DKK3: variants seen among roughly 807,000 people sequenced by gnomAD.
DKK3 encodes dickkopf Wnt signaling pathway inhibitor 3.
Under a neutral mutation model 33.2 loss-of-function variants are expected in DKK3, and 22 were observed. That is an observed-to-expected ratio of 0.66 (90% CI 0.47 to 0.95). DKK3 has a LOEUF of 0.95. Ranked by LOEUF, DKK3 falls within the 40% of genes least tolerant of loss-of-function variation. DKK3 has a pLI of 0.00. For synonymous variants in DKK3, 194 were observed against 188.8 expected (o/e 1.03, Z -0.23); for missense variants, 398 against 458.4 (o/e 0.87, Z 1.20).
intron 3 of DKK3, among the ~76,000 whole-genome samples, chr11:11,993,690 A>G (rs1848232416): frequency 6.6e-6 from 1 of 152,242 alleles, no homozygotes; most frequent in Non-Finnish European, 1.5e-5. Flanking sequence ...AGTGGGCCTT[A>G]TATTTAGACA....
At chr11:11,976,867 C>T (rs1847845110) in intron 3 of DKK3, among the ~76,000 whole-genome samples, 1 of 152,198 alleles carries the variant, frequency 6.6e-6, no homozygotes, top group African/African-American at 2.4e-5. Context: ...GTCGCAGGAG[C>T]CTGTAAGATG....
chr11:11,975,391 C>T (rs571290182), intron 3 of DKK3, among the ~76,000 whole-genome samples: 4 of 152,320 alleles, frequency 2.6e-5, no homozygotes, highest in Admixed American at 6.5e-5. Flanking sequence ...ACTCCAGCCC[C>T]GTACACATTC....
At position 11,964,358 on chromosome 11, in the gene DKK3, GGAA is replaced by G. The variant is rs1847527741; in HGVS notation, c.*103_*105del. The G allele has an allele frequency of 5.0e-6, 7 of 1,407,864 alleles. No individual in the cohort carries two copies. The South Asian group carries it at 6.8e-5, about 14-fold the overall frequency. 87.2% of individuals were successfully genotyped at this position (1,407,864 alleles called of 1,614,324 possible). Reference sequence around the variant, plus strand: ...GTCAAGCCAGAGGGGAAACTTACTGGGAAGAAGATGTAGGAAGAAGCCTGGTCA... The same window carrying G: ...GTCAAGCCAGAGGGGAAACTTACTGGGAAGATGTAGGAAGAAGCCTGGTCA... On this transcript the variant is annotated 3_prime_UTR_variant, in exon 7 of 7. Transcript: ENST00000683431.
chr11:11,965,412 T>C (rs1847564878), intron 6 of DKK3, among the ~76,000 whole-genome samples: 1 of 152,190 alleles, frequency 6.6e-6, no homozygotes, highest in Non-Finnish European at 1.5e-5. Context: ...CCTCAGACAG[T>C]GTGGGCTGCA....
chr11:12,009,703 G>C, upstream of DKK3: 1 of 985,686 alleles, frequency 1.0e-6, no homozygotes, highest in Non-Finnish European at 1.2e-6. Flanking sequence ...CCCCAGCCTG[G>C]CATTCAAGCC....
Position 11,968,399 on chromosome 11 carries a change from C to T in DKK3, c.524G>A (p.Arg175Lys), listed in dbSNP as rs752471344. 9 of 1,612,284 alleles carry T rather than the reference C, an allele frequency of 5.6e-6. No individual in the cohort carries two copies. Among genetic ancestry groups the T allele is most frequent in the Non-Finnish European group, 7.6e-6 (9 of 1,179,078 alleles). The change falls in exon 4 of 7, where the codon AGG becomes AAG. Residue 175 changes from arginine to lysine, a missense_variant. Transcript: ENST00000683431. ...QYTCQPCRGQ[R>K]MLCTRDSECC... is the part of the protein sequence containing the mutation. ...CAGAGGCCCTGGCATACTCACCATCCTCTGGCCCCGGCATGGCTGGCAGGT... is the reference window on the plus strand; with the variant it reads ...CAGAGGCCCTGGCATACTCACCATCTTCTGGCCCCGGCATGGCTGGCAGGT...
chr11:11,981,324 A>G (rs745866496), intron 3 of DKK3, among the ~76,000 whole-genome samples: 6 of 152,174 alleles, frequency 3.9e-5, no homozygotes, highest in Non-Finnish European at 7.3e-5. Flanking sequence ...GCTTGGGTGA[A>G]AAGAGCCTCT....
intron 3 of DKK3, among the ~76,000 whole-genome samples, chr11:11,988,240 G>C (rs990063747): frequency 5.3e-5 from 8 of 152,210 alleles, no homozygotes; most frequent in African/African-American, 1.4e-4. Flanking sequence ...AATGAGATCT[G>C]AACAAACATT....
At chr11:11,965,039 T>G (rs1169389160) in intron 6 of DKK3, among the ~76,000 whole-genome samples, 11 of 152,202 alleles carry the variant, frequency 7.2e-5, no homozygotes, top group Admixed American at 4.6e-4. Flanking sequence ...GGAGTCAGCC[T>G]GACTCTGGGG....
chr11:12,000,674 C>A (rs1386366186), intron 2 of DKK3, among the ~76,000 whole-genome samples: 1 of 133,074 alleles, frequency 7.5e-6, no homozygotes, highest in Non-Finnish European at 1.6e-5. Context: ...CTGGCTAAGG[C>A]TAATTTTTTT....
chr11:11,973,364 C>T (rs1460623741), intron 3 of DKK3, among the ~76,000 whole-genome samples: 1 of 152,064 alleles, frequency 6.6e-6, no homozygotes, highest in Non-Finnish European at 1.5e-5. Context: ...GTAGCACCTG[C>T]CCGGGACAGG....
At chr11:11,985,427 T>C (rs1848050227) in intron 3 of DKK3, among the ~76,000 whole-genome samples, 2 of 152,204 alleles carry the variant, frequency 1.3e-5, no homozygotes, top group South Asian at 4.1e-4. Flanking sequence ...ATCTGTAAAA[T>C]GGGCATGATA....
At chr11:11,966,290 C>T (rs1847592400) in intron 5 of DKK3, among the ~76,000 whole-genome samples, 1 of 152,078 alleles carries the variant, frequency 6.6e-6, no homozygotes, top group Non-Finnish European at 1.5e-5. Flanking sequence ...GGGTTGAGCT[C>T]AGTGGAAAAT....
chr11:11,998,782 A>G lies in DKK3; in HGVS notation c.352-3T>C. ...TGTCCAGTCTGGTTGTTGGTTATCTACAGTAAAACAGGTACAATGAAAGTA... is the reference window on the plus strand; with the variant it reads ...TGTCCAGTCTGGTTGTTGGTTATCTGCAGTAAAACAGGTACAATGAAAGTA... On this transcript the variant is annotated splice_polypyrimidine_tract_variant and splice_region_variant and intron_variant, in intron 2 of 6. Coordinates refer to ENST00000683431, the MANE Select transcript of DKK3 (RefSeq NM_001018057.2). 1 of 1,609,606 alleles carries G rather than the reference A, an allele frequency of 6.2e-7. No homozygotes were observed. Among genetic ancestry groups the G allele is most frequent in the Non-Finnish European group, 8.5e-7 (1 of 1,175,870 alleles).
At chr11:12,009,569 C>G (rs1848615949), upstream of DKK3, 4 of 984,632 alleles carry the variant, frequency 4.1e-6, no homozygotes, top group Admixed American at 1.8e-4. Flanking sequence ...CCAGGCCCGT[C>G]TTCTCTGGCC....
At chr11:11,975,422 G>A (rs908245862) in intron 3 of DKK3, among the ~76,000 whole-genome samples, 2 of 152,244 alleles carry the variant, frequency 1.3e-5, no homozygotes, top group Non-Finnish European at 2.9e-5. Flanking sequence ...AGGTTTGGGT[G>A]GGGCATGTTA....
chr11:11,985,150 C>G (rs1848043000), intron 3 of DKK3, among the ~76,000 whole-genome samples: 1 of 152,168 alleles, frequency 6.6e-6, no homozygotes, highest in African/African-American at 2.4e-5. Context: ...TGGGCACACC[C>G]AAGTTTCCTG....
chr11:11,991,075 T>C lies in DKK3; in HGVS notation c.435+7621A>G, dbSNP rs115165670. Among the ~76,000 whole-genome samples the C allele has an allele frequency of 9.6e-3, 1,458 of 152,336 alleles. 32 individuals carry two copies. The highest frequency in any genetic ancestry group is 0.033 in the African/African-American group (1,373 of 41,572). ...TGCCTGCAGGTTCCACACTGCCCCA[T>C]GGAGGGGTCCAGACGGATGCTGCAC... On this transcript the variant is annotated intron_variant, in intron 3 of 6. Transcript: ENST00000683431.
In DKK3 at chr11:12,007,535, C is replaced by G. The variant is rs962445; in HGVS notation, c.213+835G>C. On this transcript the variant is annotated intron_variant, in intron 1 of 6. Coordinates refer to ENST00000683431, the MANE Select transcript of DKK3 (RefSeq NM_001018057.2). ...ACAGAGGACAGAACAAGATGCCACCCACAGTGTTTAGACCTGGAGGTGATG... is the reference window on the plus strand; with the variant it reads ...ACAGAGGACAGAACAAGATGCCACCGACAGTGTTTAGACCTGGAGGTGATG... 3.2e-3 allele frequency among the ~76,000 whole-genome samples: 481 copies of G among 152,318 alleles called. 15 individuals are homozygous for G. In the East Asian group the frequency reaches 0.068, roughly 22 times the overall value.
Sources: gnomAD v4.1 joint callset for allele counts (sites outside exome capture counted in the v4.1 genomes callset) on GRCh38, gnomAD v4.1.1 for gene constraint, MANE v1.5 for transcripts, NCBI Gene and HGNC (gene_info 2026-07-23, HGNC 2026-07-21) for gene names.